C19orf44: variants seen among roughly 807,000 people sequenced by gnomAD.
The protein encoded by C19orf44 is uncharacterized protein C19orf44.
In C19orf44, 43 loss-of-function variants were observed where a neutral mutation model predicts 50.7. The observed-to-expected ratio is 0.85, with a 90% CI of 0.66 to 1.09. The LOEUF (loss-of-function observed/expected upper bound fraction) is 1.09. C19orf44 is among the 50% of genes least tolerant of loss of function. C19orf44 has a pLI of 0.00. For missense variants in C19orf44, 722 were observed against 836.2 expected (o/e 0.86, Z 1.68); for synonymous variants, 298 against 334.7 (o/e 0.89, Z 1.20).
rs1351506265 is a variant in C19orf44, at chr19:16,519,698, C to G, written c.*41-396C>G. 2 of 1,613,722 alleles carry G rather than the reference C, an allele frequency of 1.2e-6. No individual in the cohort carries two copies. The highest frequency in any genetic ancestry group is 1.7e-6 in the Non-Finnish European group (2 of 1,179,834). Reference sequence around the variant, plus strand: ...AGGGATGGGAGGCGCCGAATTAGAACCCAGACCAGCAGAGGAACTAAAATC... The same window carrying G: ...AGGGATGGGAGGCGCCGAATTAGAAGCCAGACCAGCAGAGGAACTAAAATC... On this transcript the variant is annotated intron_variant, in intron 8 of 8. Transcript: ENST00000221671. The surrounding 1 kb of genome is among the most constrained non-coding windows in gnomAD (Gnocchi z 6.0).
intron 3 of C19orf44, 62 bp from the exon 4 acceptor site, chr19:16,506,638 TA>T (rs928703813): frequency 8.8e-7 from 1 of 1,141,730 alleles, no homozygotes. Context: ...GGAAGGTTTG[TA>T]AAAATTTATG....
At chr19:16,496,783 A>G in intron 1 of C19orf44, 1 of 152,652 alleles carries the variant, frequency 6.6e-6, no homozygotes, top group South Asian at 2.0e-4. Flanking sequence ...ATTTTTAGTA[A>G]ATCTACAAAG....
rs1019517564 is a variant in C19orf44 at position 16,519,573 on chromosome 19, A to G, written c.*41-521A>G. ...GAAAGCGCTGGTGACTCCCGGGCCC[A>G]GCACGCGTGAGGACCCATCCCGCGC... On this transcript the variant is annotated intron_variant, in intron 8 of 8. Coordinates refer to ENST00000221671, the MANE Select transcript of C19orf44 (RefSeq NM_032207.4). This position sits in a 1 kb window ranked among gnomAD's most constrained non-coding sequence, Gnocchi z 6.0. 3 of 1,517,352 alleles carry G rather than the reference A, an allele frequency of 2.0e-6. No individual in the cohort carries two copies. The highest frequency in any genetic ancestry group is 9.2e-7 in the Non-Finnish European group (1 of 1,092,726). 94.0% of individuals were successfully genotyped at this position (1,517,352 alleles called of 1,614,324 possible).
At chr19:16,508,801 A>G (rs1009656885) in intron 4 of C19orf44, among the ~76,000 whole-genome samples, 1 of 151,296 alleles carries the variant, frequency 6.6e-6, no homozygotes, top group Non-Finnish European at 1.5e-5. Context: ...TCAGCCACCT[A>G]ACATTTCATC....
chr19:16,517,448 GACAC>G (rs142142968), intron 8 of C19orf44, 107 bp downstream of exon 8: 40 of 718,918 alleles, frequency 5.6e-5, no homozygotes, highest in Non-Finnish European at 5.4e-5. Flanking sequence ...TGGGGTGATG[GACAC>G]ACACACACAC....
chr19:16,507,549 T>C lies in C19orf44; in HGVS notation c.1149+775T>C, dbSNP rs1186629130. On this transcript the variant is annotated intron_variant, in intron 4 of 8. Coordinates refer to ENST00000221671, the MANE Select transcript of C19orf44 (RefSeq NM_032207.4). ...TCTTATCCCCCAGGTTTGAGTGCAA[T>C]GGCTCGATCTCGGCTCACTGCAACC... 3.3e-5 allele frequency among the ~76,000 whole-genome samples: 5 copies of C among 150,400 alleles called. No homozygotes were observed. The East Asian group carries it at 9.7e-4, about 29-fold the overall frequency.
In C19orf44 at chr19:16,503,193, A is replaced by G; in HGVS notation, c.888A>G (p.Ala296=). The G allele has an allele frequency of 6.2e-7, 1 of 1,614,146 alleles. No individual in the cohort carries two copies. The highest frequency in any genetic ancestry group is 8.5e-7 in the Non-Finnish European group (1 of 1,180,034). The change falls in exon 3 of 9, where the codon GCA becomes GCG. Residue 296 remains alanine (A), a synonymous_variant. Coordinates refer to ENST00000221671, the MANE Select transcript of C19orf44 (RefSeq NM_032207.4). ...DRTLHSTRSR[A]DYPQSHVSSD... ...CCCTTCACAGCACTCGCTCAAGAGC[A>G]GACTACCCACAGAGTCACGTTTCCA...
chr19:16,520,612 G>A lies in C19orf44; in HGVS notation c.*559G>A, dbSNP rs2085603601. On this transcript the variant is annotated 3_prime_UTR_variant, in exon 9 of 9. Coordinates refer to ENST00000221671, the MANE Select transcript of C19orf44 (RefSeq NM_032207.4). The surrounding 1 kb of genome is among the most constrained non-coding windows in gnomAD (Gnocchi z 4.0). ...CACCCCAGATGCAGGGGCTCTGGCT[G>A]TGGATGTGGCGCCATAGCCACAGCA... The A allele has an allele frequency of 7.4e-7, 1 of 1,357,136 alleles. No individual in the cohort carries two copies. Among genetic ancestry groups the A allele is most frequent in the Non-Finnish European group, 1.0e-6 (1 of 978,418 alleles). The allele number at this position is 1,357,136 out of a possible 1,614,324, so 84.1% of individuals were successfully genotyped here.
At chr19:16,510,058 G>C in intron 5 of C19orf44, 70 bp downstream of exon 5, 1 of 1,608,162 alleles carries the variant, frequency 6.2e-7, no homozygotes, top group Non-Finnish European at 8.5e-7. Flanking sequence ...ACAGCATCCT[G>C]GGAGACACGT....
rs572201141 is a variant in C19orf44 at position 16,511,324 on chromosome 19, C to T, written c.1639+1336C>T. The stretch of plus-strand genomic sequence containing the variant: ...TGCTGGGATTATAGGTGTGAGCCAC[C>T]GCACCTGGCCCCCTGTATAATTTTA... On this transcript the variant is annotated intron_variant, in intron 5 of 8. Transcript: ENST00000221671. Among the ~76,000 whole-genome samples the T allele has an allele frequency of 4.6e-5, 7 of 152,118 alleles. No homozygotes were observed. The South Asian group carries it at 1.0e-3, about 23-fold the overall frequency.
intron 1 of C19orf44, among the ~76,000 whole-genome samples, chr19:16,497,211 G>A (rs1227553447): frequency 3.9e-5 from 6 of 152,038 alleles, no homozygotes; most frequent in African/African-American, 1.4e-4. Flanking sequence ...GCCTCCCAAA[G>A]TGCTGGGATT....
rs1282485434 is a variant in C19orf44, at chr19:16,496,417, C to G, written c.-50C>G. 2.1e-6 allele frequency: 1 copy of G among 473,800 alleles called. No individual in the cohort carries two copies. Among genetic ancestry groups the G allele is most frequent in the East Asian group, 3.9e-5 (1 of 25,412 alleles). The allele number at this position is 473,800 out of a possible 1,614,324, so 29.3% of individuals were successfully genotyped here. ...CTGTTGCCCAGGGCAACCGCTCCTTCAGGCGTGAATGTGGCGGCTGCCTCT... is the reference window on the plus strand; with the variant it reads ...CTGTTGCCCAGGGCAACCGCTCCTTGAGGCGTGAATGTGGCGGCTGCCTCT... On this transcript the variant is annotated 5_prime_UTR_variant, in exon 1 of 9. Transcript: ENST00000221671.
intron 3 of C19orf44, among the ~76,000 whole-genome samples, chr19:16,504,795 G>A (rs1428446168): frequency 2.0e-5 from 3 of 150,530 alleles, no homozygotes; most frequent in Non-Finnish European, 4.4e-5. Context: ...GAGACGGGAC[G>A]GGGTTTCACC....
At chr19:16,502,884 G>A (rs2093429657) in intron 2 of C19orf44, among the ~76,000 whole-genome samples, 181 bp from the exon 3 acceptor site, 1 of 151,710 alleles carries the variant, frequency 6.6e-6, no homozygotes, top group Admixed American at 6.6e-5. Flanking sequence ...TAGCTGCTTG[G>A]GAGGCTGAGG....
chr19:16,514,670 G>A lies in C19orf44; in HGVS notation c.1902+7G>A, dbSNP rs772625545. 3.2e-5 allele frequency: 50 copies of A among 1,558,854 alleles called. No homozygotes were observed. In the Admixed American group the frequency reaches 3.7e-4, roughly 11 times the overall value. ...CCTGGAGGAAGCCAAAGAGGTGAGCGCAGCTCCCCATGGGCAGGGGCAGGG... is the reference window on the plus strand; with the variant it reads ...CCTGGAGGAAGCCAAAGAGGTGAGCACAGCTCCCCATGGGCAGGGGCAGGG... On this transcript the variant is annotated splice_region_variant and intron_variant, in intron 7 of 8. Transcript: ENST00000221671.
In C19orf44 at chr19:16,503,102, T is replaced by C. The variant is rs2093430394; in HGVS notation, c.797T>C (p.Val266Ala). The C allele has an allele frequency of 6.2e-7, 1 of 1,613,940 alleles. No individual in the cohort carries two copies. The change falls in exon 3 of 9, where the codon GTG becomes GCG. Residue 266 changes from valine (V) to alanine (A), a missense_variant. Val to Ala is a moderately conservative substitution (Grantham distance 64, BLOSUM62 0). Transcript: ENST00000221671. ...CTGAGAGCATTTACTGTACCCAGCG[T>C]GGAACTCTCCAGCGCAAAGCCTTCT... ...SQLRAFTVPSVELSSAKPSQT... is the reference protein window; with the variant it reads ...SQLRAFTVPSAELSSAKPSQT...
chr19:16,512,867 A>G (rs2093461417), intron 5 of C19orf44, 147 bp from the exon 6 acceptor site: 1 of 679,602 alleles, frequency 1.5e-6, no homozygotes. Flanking sequence ...CAAACCAAAA[A>G]AAAAAAAAAA....
At position 16,509,892 on chromosome 19, in the gene C19orf44, T is replaced by C. The variant is rs1403127312; in HGVS notation, c.1543T>C (p.Ser515Pro). 3 of 1,613,974 alleles carry C rather than the reference T, an allele frequency of 1.9e-6. No individual in the cohort carries two copies. The highest frequency in any genetic ancestry group is 2.2e-5 in the South Asian group (2 of 91,076). The change falls in exon 5 of 9, where the codon TCT becomes CCT. Residue 515 changes from serine to proline, a missense_variant. Coordinates refer to ENST00000221671, the MANE Select transcript of C19orf44 (RefSeq NM_032207.4). ...GACAGACCTTCCACAAACAGCCGAGTCTAGGAAAAAGTCGGGCAGGCACGT... is the reference window on the plus strand; with the variant it reads ...GACAGACCTTCCACAAACAGCCGAGCCTAGGAAAAAGTCGGGCAGGCACGT... Reference protein sequence around the residue: ...VKTDLPQTAESRKKSGRHVTR... With the variant: ...VKTDLPQTAEPRKKSGRHVTR...
intron 8 of C19orf44, chr19:16,518,852 G>T: frequency 2.6e-6 from 1 of 378,430 alleles, no homozygotes; most frequent in Non-Finnish European, 4.8e-6. Context: ...CCATCCCTTC[G>T]TGGCTGAAGA....
Sources: gnomAD v4.1 joint callset for allele counts (sites outside exome capture counted in the v4.1 genomes callset) on GRCh38, gnomAD v4.1.1 for gene constraint, Gnocchi (gnomAD v3.1) non-coding constraint, MANE v1.5 for transcripts, NCBI Gene and HGNC (gene_info 2026-07-23, HGNC 2026-07-21) for gene names.